Variants in PTK2 observed in about 807,000 individuals in gnomAD.
PTK2 encodes focal adhesion kinase 1.
Under a neutral mutation model 150.1 loss-of-function variants are expected in PTK2, and 45 were observed. The ratio of observed to expected loss-of-function variants is 0.30; its 90% CI spans 0.24 to 0.38. The LOEUF is 0.38. Among genes scored for constraint, PTK2 ranks in the 10% least tolerant of loss-of-function variants. The probability of loss-of-function intolerance (pLI) is 1.00; values close to 1 mark genes in which losing one functional copy is unlikely to be tolerated. For synonymous variants in PTK2, 432 were observed against 449.2 expected, an observed-to-expected ratio of 0.96 and a Z score of 0.48; for missense variants, 919 against 1,307.3, an observed-to-expected ratio of 0.70 and a Z score of 4.58.
At chr8:140,857,243 C>T (rs1053699457) in intron 5 of PTK2, among the ~76,000 whole-genome samples, 1 of 152,148 alleles carries the variant, frequency 6.6e-6, no homozygotes, top group Admixed American at 6.5e-5. Flanking sequence ...TCTGTCATCC[C>T]TTTGCACTTA....
chr8:140,790,134 T>C (rs994696674), intron 13 of PTK2, among the ~76,000 whole-genome samples: 15 of 152,162 alleles, frequency 9.9e-5, no homozygotes, highest in African/African-American at 3.4e-4. Flanking sequence ...TTTAAAAAAT[T>C]GGTAAAAAAC....
chr8:140,990,318 T>C (rs554111293), intron 1 of PTK2, among the ~76,000 whole-genome samples: 1 of 152,128 alleles, frequency 6.6e-6, no homozygotes. Flanking sequence ...CACTGTAGAC[T>C]TGACCTCCCA....
intron 13 of PTK2, among the ~76,000 whole-genome samples, chr8:140,792,810 T>G (rs2100089289): frequency 6.6e-6 from 1 of 152,234 alleles, no homozygotes; most frequent in South Asian, 2.1e-4. Flanking sequence ...ACCACACAGC[T>G]ATAACTGTGT....
At chr8:140,753,929 A>C (rs1165846096) in intron 16 of PTK2, among the ~76,000 whole-genome samples, 1 of 152,258 alleles carries the variant, frequency 6.6e-6, no homozygotes, top group East Asian at 1.9e-4. Flanking sequence ...GATGTTCATT[A>C]ATAAGTTAGA....
intron 16 of PTK2, among the ~76,000 whole-genome samples, chr8:140,756,471 G>GC (rs2100065802): frequency 6.6e-6 from 1 of 152,094 alleles, no homozygotes; most frequent in South Asian, 2.1e-4. Context: ...GCCGAGATGG[G>GC]CGGATCACCT....
intron 2 of PTK2, among the ~76,000 whole-genome samples, chr8:140,918,896 C>T (rs560069601): frequency 1.3e-5 from 2 of 152,194 alleles, no homozygotes; most frequent in Admixed American, 1.3e-4. Flanking sequence ...ATAACCAATT[C>T]AGCCAATTCC....
At chr8:140,698,514 T>C (rs1299439959) in intron 26 of PTK2, among the ~76,000 whole-genome samples, 5 of 151,770 alleles carry the variant, frequency 3.3e-5, no homozygotes, top group Non-Finnish European at 7.4e-5. Flanking sequence ...AGTGCAGTGG[T>C]ACCATCTTGG....
chr8:140,917,998 T>C (rs561985711), intron 2 of PTK2, among the ~76,000 whole-genome samples: 2 of 152,330 alleles, frequency 1.3e-5, no homozygotes, highest in East Asian at 1.9e-4. Context: ...TAGTCATTGA[T>C]TCATTCAACA....
At chr8:140,800,111 T>C (rs1024399460) in intron 12 of PTK2, among the ~76,000 whole-genome samples, 3 of 152,214 alleles carry the variant, frequency 2.0e-5, no homozygotes, top group Admixed American at 2.0e-4. Flanking sequence ...TAGTGAGTTA[T>C]AACGGATTCC....
chr8:140,804,299 A>C (rs2100097022), intron 10 of PTK2, among the ~76,000 whole-genome samples: 1 of 151,958 alleles, frequency 6.6e-6, no homozygotes, highest in Non-Finnish European at 1.5e-5. Flanking sequence ...AAAAGAAAAA[A>C]AGATAGAGTT....
chr8:140,983,467 T>C (rs2100192213), intron 1 of PTK2, among the ~76,000 whole-genome samples: 1 of 152,104 alleles, frequency 6.6e-6, no homozygotes, highest in South Asian at 2.1e-4. Flanking sequence ...AGGAATACTA[T>C]GTAGTTGTAT....
intron 5 of PTK2, among the ~76,000 whole-genome samples, chr8:140,853,471 G>C (rs1157336117): frequency 1.3e-5 from 2 of 151,202 alleles, no homozygotes; most frequent in African/African-American, 2.4e-5. Context: ...ATAGTTTGCT[G>C]AGAATGATGG....
chr8:140,707,754 T>C (rs1374135754), intron 23 of PTK2, among the ~76,000 whole-genome samples: 3 of 152,222 alleles, frequency 2.0e-5, no homozygotes, highest in African/African-American at 7.2e-5. Flanking sequence ...AATTGTATCT[T>C]AATAAAGCTA....
intron 7 of PTK2, among the ~76,000 whole-genome samples, chr8:140,843,844 G>C: frequency 6.6e-6 from 1 of 152,154 alleles, no homozygotes; most frequent in Middle Eastern, 3.4e-3. Flanking sequence ...AAACCAGTAT[G>C]GATATATTAT....
At chr8:140,678,781 T>G (rs1327989255) in intron 27 of PTK2, among the ~76,000 whole-genome samples, 1 of 151,622 alleles carries the variant, frequency 6.6e-6, no homozygotes, top group African/African-American at 2.4e-5. Flanking sequence ...ACCGAATGTG[T>G]GAGGAACAGC....
chr8:140,768,128 GTAAA>G (rs2100073448), intron 14 of PTK2, among the ~76,000 whole-genome samples: 1 of 152,028 alleles, frequency 6.6e-6, no homozygotes, highest in Non-Finnish European at 1.5e-5. Flanking sequence ...AGATGCTGTT[GTAAA>G]TAATTACATA....
At chr8:140,803,178 C>G (rs1188334753) in intron 11 of PTK2, among the ~76,000 whole-genome samples, 1 of 151,696 alleles carries the variant, frequency 6.6e-6, no homozygotes, top group African/African-American at 2.4e-5. Flanking sequence ...CCATGCCTGG[C>G]TTATCTTTGT....
chr8:140,686,352 T>C (rs977633186), intron 27 of PTK2, among the ~76,000 whole-genome samples: 6 of 151,946 alleles, frequency 3.9e-5, no homozygotes, highest in African/African-American at 1.5e-4. Context: ...CCTTGCAACA[T>C]GCGATTTCCT....
Position 140,735,240 on chromosome 8 carries a change from C to A in PTK2, c.2030+11G>T, listed in dbSNP as rs73714742. On this transcript the variant is annotated intron_variant, in intron 22 of 31. Transcript: ENST00000522684. Reference sequence around the variant, plus strand: ...CCCCACCCCCAGGCCCTCTCTCCCGCCAACTCCTACCTGAGCTGAGCTTTA... The same window carrying A: ...CCCCACCCCCAGGCCCTCTCTCCCGACAACTCCTACCTGAGCTGAGCTTTA... 6 of 1,612,670 alleles carry A rather than the reference C, an allele frequency of 3.7e-6. No individual in the cohort carries two copies. The South Asian group carries it at 6.6e-5, about 18-fold the overall frequency.
Sources: allele counts gnomAD v4.1 joint callset (sites outside exome capture counted in the v4.1 genomes callset), GRCh38; gene constraint gnomAD v4.1.1; transcripts MANE v1.5; gene names NCBI Gene and HGNC (gene_info 2026-07-23, HGNC 2026-07-21).